The following SLAMF6 variants were observed in gnomAD, a reference collection of about 807,000 sequenced individuals.
SLAMF6 encodes the protein NK-T-B-antigen.
A neutral mutation model predicts 38.3 loss-of-function variants in SLAMF6; 21 were observed. The ratio of observed to expected loss-of-function variants is 0.55; its 90% CI spans 0.39 to 0.79. The LOEUF is 0.79. Among genes scored for constraint, SLAMF6 ranks in the 30% least tolerant of loss-of-function variants. The pLI is 0.00. For synonymous variants in SLAMF6, 152 were observed against 146.3 expected (o/e 1.04, Z -0.28); for missense variants, 341 against 385.3 (o/e 0.89, Z 0.96).
chr1:160,491,590 TGGG>T (rs1216049010), intron 2 of SLAMF6, among the ~76,000 whole-genome samples: 1 of 152,168 alleles, frequency 6.6e-6, no homozygotes, highest in African/African-American at 2.4e-5. Context: ...GACATCAGTA[TGGG>T]GCAGGATAGT....
intron 1 of SLAMF6, among the ~76,000 whole-genome samples, chr1:160,521,557 TTC>T (rs906290137): frequency 2.0e-5 from 3 of 152,030 alleles, no homozygotes; most frequent in Non-Finnish European, 4.4e-5. Flanking sequence ...AAGGAAAGAA[TTC>T]TCTCTCTTTC....
intron 7 of SLAMF6, 37 bp from the exon 8 acceptor site, chr1:160,486,791 G>A: frequency 1.2e-6 from 2 of 1,612,768 alleles, no homozygotes; most frequent in Non-Finnish European, 1.7e-6. Flanking sequence ...AGGTTAATTG[G>A]AACTGGAACC....
At chr1:160,490,982 G>T in intron 3 of SLAMF6, 143 bp downstream of exon 3, 2 of 1,069,950 alleles carry the variant, frequency 1.9e-6, no homozygotes, top group Non-Finnish European at 2.7e-6. Flanking sequence ...ACTGAGAGAT[G>T]CAGAGCTCCA....
At chr1:160,512,380 G>C (rs1240701918) in intron 1 of SLAMF6, among the ~76,000 whole-genome samples, 4 of 152,174 alleles carry the variant, frequency 2.6e-5, no homozygotes, top group Non-Finnish European at 5.9e-5. Flanking sequence ...AGTCCCTGTG[G>C]GTACTGGGGC....
chr1:160,491,909 C>T (rs1653323939), intron 2 of SLAMF6, among the ~76,000 whole-genome samples: 2 of 152,114 alleles, frequency 1.3e-5, no homozygotes, highest in South Asian at 4.1e-4. Flanking sequence ...ATCCTGGTTC[C>T]TATTGTATCT....
At chr1:160,510,098 A>G (rs1396732686) in intron 1 of SLAMF6, among the ~76,000 whole-genome samples, 1 of 152,118 alleles carries the variant, frequency 6.6e-6, no homozygotes, top group African/African-American at 2.4e-5. Flanking sequence ...AAAGAGATTG[A>G]ATCAGTACTC....
intron 1 of SLAMF6, among the ~76,000 whole-genome samples, chr1:160,507,546 A>G (rs1292806558): frequency 6.6e-6 from 1 of 152,110 alleles, no homozygotes; most frequent in East Asian, 1.9e-4. Flanking sequence ...AATACCTAAC[A>G]TATATATGAA....
intron 1 of SLAMF6, among the ~76,000 whole-genome samples, chr1:160,516,891 C>T (rs1252540531): frequency 6.6e-6 from 1 of 151,942 alleles, no homozygotes; most frequent in Non-Finnish European, 1.5e-5. Flanking sequence ...ATGTAAAACT[C>T]AAAACTATGA....
At chr1:160,504,138 T>G (rs1286106958) in intron 1 of SLAMF6, among the ~76,000 whole-genome samples, 1 of 151,468 alleles carries the variant, frequency 6.6e-6, no homozygotes, top group Non-Finnish European at 1.5e-5. Context: ...AATGGGGAGA[T>G]GTAGGTCACA....
intron 1 of SLAMF6, among the ~76,000 whole-genome samples, chr1:160,509,650 T>C (rs1010504117): frequency 6.6e-6 from 1 of 151,970 alleles, no homozygotes; most frequent in Non-Finnish European, 1.5e-5. Context: ...ACTTAAAGTA[T>C]ATTAAAAAAA....
intron 1 of SLAMF6, among the ~76,000 whole-genome samples, chr1:160,513,235 C>T (rs796960461): frequency 7.9e-5 from 12 of 151,916 alleles, no homozygotes; most frequent in African/African-American, 1.9e-4. Flanking sequence ...TATCAATAGC[C>T]GAATAGACCA....
At chr1:160,488,111 A>AAACAAAAAACAAACC (rs1653066580) in intron 6 of SLAMF6, among the ~76,000 whole-genome samples, 1 of 151,744 alleles carries the variant, frequency 6.6e-6, no homozygotes, top group African/African-American at 2.4e-5. Context: ...AAAAACCAAA[A>AAACAAAAAACAAACC]AACAAAAAAC....
intron 1 of SLAMF6, among the ~76,000 whole-genome samples, chr1:160,505,661 A>C (rs111683036): frequency 0.06 from 9,099 of 152,070 alleles, 680 homozygotes; most frequent in African/African-American, 0.17. Flanking sequence ...CTCGGCCCCC[A>C]CAAAGTGCTG....
At chr1:160,487,073 A>G (rs1290047249) in intron 7 of SLAMF6, 31 bp downstream of exon 7, 1 of 1,542,512 alleles carries the variant, frequency 6.5e-7, no homozygotes, top group Non-Finnish European at 9.0e-7. Flanking sequence ...AGAGGTAAGA[A>G]TATAAAAACA....
chr1:160,503,473 A>G (rs1238075969), intron 1 of SLAMF6, among the ~76,000 whole-genome samples: 3 of 152,112 alleles, frequency 2.0e-5, no homozygotes. Context: ...TCCAATGATT[A>G]TAGCACTTGT....
chr1:160,503,318 G>A (rs1654010370), intron 1 of SLAMF6, among the ~76,000 whole-genome samples: 1 of 152,128 alleles, frequency 6.6e-6, no homozygotes, highest in Non-Finnish European at 1.5e-5. Context: ...AAGCAGTGAG[G>A]AGGAATTGGC....
At chr1:160,491,512 T>C in intron 2 of SLAMF6, 124 bp from the exon 3 acceptor site, 1 of 1,372,920 alleles carries the variant, frequency 7.3e-7, no homozygotes, top group East Asian at 2.4e-5. Context: ...GTCTGTAGAC[T>C]CTGTAAATGA....
intron 1 of SLAMF6, among the ~76,000 whole-genome samples, chr1:160,509,907 T>C (rs1334330249): frequency 3.3e-5 from 5 of 152,048 alleles, no homozygotes; most frequent in Non-Finnish European, 5.9e-5. Context: ...AAAGTAGACA[T>C]AGAAGTGGAG....
At chr1:160,518,931 A>G (rs1355406618) in intron 1 of SLAMF6, among the ~76,000 whole-genome samples, 8 of 152,198 alleles carry the variant, frequency 5.3e-5, no homozygotes, top group Admixed American at 5.2e-4. Context: ...AAATAAAATG[A>G]TAAAAAAGAA....
Sources: allele counts gnomAD v4.1 joint callset (sites outside exome capture counted in the v4.1 genomes callset), GRCh38; gene constraint gnomAD v4.1.1; transcripts MANE v1.5; gene names NCBI Gene and HGNC (gene_info 2026-07-23, HGNC 2026-07-21).